The following FAM234A variants were observed in gnomAD, a reference collection of about 807,000 sequenced individuals.
FAM234A encodes the protein family with sequence similarity 234 member A.
FAM234A carries 42 observed loss-of-function variants against 49.1 expected under a neutral mutation model. That is an observed-to-expected ratio of 0.86 (90% CI 0.67 to 1.11). The LOEUF is 1.11. FAM234A is among the 50% of genes least tolerant of loss of function. The pLI, the probability that FAM234A is intolerant of heterozygous loss-of-function variation, is 0.00. For synonymous variants in FAM234A, 369 were observed against 316.2 expected (o/e 1.17, Z -1.77); for missense variants, 815 against 745.2 (o/e 1.09, Z -1.09).
At chr16:268,953 T>C (rs1451634727), downstream of FAM234A, 1 of 1,549,842 alleles carries the variant, frequency 6.5e-7, no homozygotes, top group Admixed American at 2.0e-5. Context: ...AGTGCTGGAC[T>C]GAAGACCAGA....
chr16:248,740 C>G (rs1048219833), intron 1 of FAM234A, among the ~76,000 whole-genome samples: 1 of 151,820 alleles, frequency 6.6e-6, no homozygotes, highest in Non-Finnish European at 1.5e-5. Flanking sequence ...CCTGCCTCAG[C>G]CTCCTGAGTA....
At chr16:236,048 G>A (rs2050389173) in intron 1 of FAM234A, among the ~76,000 whole-genome samples, 1 of 152,018 alleles carries the variant, frequency 6.6e-6, no homozygotes, top group Admixed American at 6.6e-5. Context: ...AGTTACTCGG[G>A]TTCAAGCGAT....
Position 265,882 on chromosome 16 carries a change from C to A in FAM234A, c.*860C>A. 2 of 986,150 alleles carry A rather than the reference C, an allele frequency of 2.0e-6. No homozygotes were observed. Among genetic ancestry groups the A allele is most frequent in the Non-Finnish European group, 2.4e-6 (2 of 830,296 alleles). The allele number at this position is 986,150 out of a possible 1,614,324, so 61.1% of individuals were successfully genotyped here. On this transcript the variant is annotated 3_prime_UTR_variant, in exon 13 of 13. Coordinates refer to ENST00000399932, the MANE Select transcript of FAM234A (RefSeq NM_032039.4). ...GTGCCCCAGGCATGGCAAGCGCCTG[C>A]CTCTCCCCTTCCGGTGCTCACACGC...
In FAM234A at chr16:264,913, G is replaced by A. The variant is rs755759461; in HGVS notation, c.1550G>A (p.Arg517Gln). The A allele has an allele frequency of 8.1e-6, 13 of 1,612,988 alleles. No homozygotes were observed. Among genetic ancestry groups the A allele is most frequent in the Middle Eastern group, 3.3e-4 (2 of 6,058 alleles). Residue 517 changes from arginine (R) to glutamine (Q), a missense_variant, in exon 13 of 13, where the codon CGG (arginine) becomes CAG (glutamine). Coordinates refer to ENST00000399932, the MANE Select transcript of FAM234A (RefSeq NM_032039.4). ...GLVSVIKHKV[R>Q]DLVPSSRVVR... ...GTCTCTGTGATCAAGCACAAGGTGC[G>A]GGACCTTGTCCCAAGCAGCAGGGTG...
chr16:238,738 C>T (rs1468334101), intron 1 of FAM234A, among the ~76,000 whole-genome samples: 3 of 136,144 alleles, frequency 2.2e-5, no homozygotes, highest in Admixed American at 1.6e-4. Flanking sequence ...TGCACTCCAG[C>T]CTGGGCGACA....
chr16:264,720 A>C lies in FAM234A; in HGVS notation c.1447+4A>C. The stretch of plus-strand genomic sequence containing the variant: ...ACCCACATTGTCGCCTTTGACGGTG[A>C]GTGTGGCCTCGGCCAGGGACCCGGG... On this transcript the variant is annotated splice_donor_region_variant and intron_variant, in intron 12 of 12. Coordinates refer to ENST00000399932, the MANE Select transcript of FAM234A (RefSeq NM_032039.4). 1 of 1,610,822 alleles carries C rather than the reference A, an allele frequency of 6.2e-7. No homozygotes were observed. Among genetic ancestry groups the C allele is most frequent in the Non-Finnish European group, 8.5e-7 (1 of 1,179,542 alleles).
Position 263,700 on chromosome 16 carries a change from A to C in FAM234A, c.1113A>C (p.Arg371Ser). 6.2e-7 allele frequency: 1 copy of C among 1,613,268 alleles called. No homozygotes were observed. Among genetic ancestry groups the C allele is most frequent in the South Asian group, 1.1e-5 (1 of 91,070 alleles). Residue 371 changes from arginine (R) to serine (S), a missense_variant and splice_region_variant, in exon 10 of 13, where the codon AGA becomes AGC. Physicochemically the swap from Arg to Ser is moderately radical, Grantham distance 110. Coordinates refer to ENST00000399932, the MANE Select transcript of FAM234A (RefSeq NM_032039.4). ...RWTPKAAHVLRKPIFGRYKPD... is the reference protein window; with the variant it reads ...RWTPKAAHVLSKPIFGRYKPD... The stretch of plus-strand genomic sequence containing the variant: ...GAGCGCTTCCTCCATATTGTTCCAG[A>C]AAACCCATCTTCGGCCGCTACAAAC...
chr16:256,595 A>C (rs1205091352), intron 3 of FAM234A, among the ~76,000 whole-genome samples: 2 of 151,768 alleles, frequency 1.3e-5, no homozygotes, highest in African/African-American at 4.8e-5. Flanking sequence ...TTTGAGATGG[A>C]GTTTTGCTCT....
At chr16:240,646 G>T (rs1019438577) in intron 1 of FAM234A, among the ~76,000 whole-genome samples, 1 of 152,050 alleles carries the variant, frequency 6.6e-6, no homozygotes, top group Non-Finnish European at 1.5e-5. Flanking sequence ...GGGACTACAG[G>T]CGCGTGCCAC....
intron 3 of FAM234A, among the ~76,000 whole-genome samples, chr16:255,615 T>C (rs181101946): frequency 6.6e-6 from 1 of 152,294 alleles, no homozygotes; most frequent in East Asian, 1.9e-4. Flanking sequence ...TCACTCCCTG[T>C]TCCCTCCTCT....
At chr16:251,777 G>A (rs1276640216) in intron 2 of FAM234A, among the ~76,000 whole-genome samples, 2 of 149,856 alleles carry the variant, frequency 1.3e-5, no homozygotes, top group Admixed American at 6.7e-5. Flanking sequence ...GCCAGTGCGG[G>A]TGGATCACGA....
chr16:240,769 T>A (rs1475156811), intron 1 of FAM234A, among the ~76,000 whole-genome samples: 1 of 152,134 alleles, frequency 6.6e-6, no homozygotes, highest in African/African-American at 2.4e-5. Flanking sequence ...CCTAAAGTGC[T>A]GAGATTACAG....
intron 8 of FAM234A, among the ~76,000 whole-genome samples, chr16:262,953 G>A (rs1461712575): frequency 1.3e-5 from 2 of 151,788 alleles, no homozygotes; most frequent in African/African-American, 4.8e-5. Context: ...CCGAGTAGCT[G>A]GGATTACAGG....
intron 1 of FAM234A, among the ~76,000 whole-genome samples, chr16:246,741 A>T (rs1416202000): frequency 3.9e-5 from 5 of 127,072 alleles, no homozygotes; most frequent in East Asian, 2.4e-4. Flanking sequence ...TTTTTTTTCG[A>T]TCGATTGGTG....
rs1277560675 is a variant in FAM234A at position 265,302 on chromosome 16, C to G, written c.*280C>G. ...CCAGGGTCCCGCTCACACCAGGCAG[C>G]CTTCATAGTGGTCTCCCTGGCCACC... On this transcript the variant is annotated 3_prime_UTR_variant, in exon 13 of 13. Transcript: ENST00000399932. 1 of 1,246,682 alleles carries G rather than the reference C, an allele frequency of 8.0e-7. No individual in the cohort carries two copies. Among genetic ancestry groups the G allele is most frequent in the Non-Finnish European group, 1.0e-6 (1 of 991,242 alleles). The allele number at this position is 1,246,682 out of a possible 1,614,324, so 77.2% of individuals were successfully genotyped here. A position where few individuals can be genotyped will look rare whatever the true frequency, so the allele number is the denominator to read the frequency against.
intron 1 of FAM234A, among the ~76,000 whole-genome samples, chr16:238,787 GAAAA>G (rs1384872718): frequency 2.6e-5 from 2 of 76,236 alleles, no homozygotes; most frequent in Admixed American, 1.4e-4. Flanking sequence ...AAAAAAAAAA[GAAAA>G]AAAAAATCCC....
At chr16:242,970 C>T (rs1420903323) in intron 1 of FAM234A, among the ~76,000 whole-genome samples, 1 of 151,144 alleles carries the variant, frequency 6.6e-6, no homozygotes, top group African/African-American at 2.4e-5. Context: ...TCTTTTCTTT[C>T]TGAGCCCTCA....
chr16:234,908 A>T (rs1319142287), intron 1 of FAM234A, 51 bp downstream of exon 1: 2 of 152,246 alleles, frequency 1.3e-5, no homozygotes, highest in Non-Finnish European at 2.9e-5. Context: ...GGGGCGCCGC[A>T]GGCCGCCCCT....
In FAM234A at chr16:238,590, T is replaced by C. The variant is rs191082156; in HGVS notation, c.-140+3733T>C. 3.8e-3 allele frequency among the ~76,000 whole-genome samples: 541 copies of C among 143,892 alleles called. 2 individuals are homozygous for C. Among genetic ancestry groups the C allele is most frequent in the African/African-American group, 0.012 (462 of 38,454 alleles). The allele number at this position is 143,892 out of a possible 152,430, so 94.4% of individuals were successfully genotyped here. On this transcript the variant is annotated intron_variant, in intron 1 of 12. Coordinates refer to ENST00000399932, the MANE Select transcript of FAM234A (RefSeq NM_032039.4). ...GACCATCCTGGCTAACACAGTGAAA[T>C]CCCGTCTCTACTAAAAATACAAAAA...
Sources: allele counts gnomAD v4.1 joint callset (sites outside exome capture counted in the v4.1 genomes callset), GRCh38; gene constraint gnomAD v4.1.1; transcripts MANE v1.5; gene names NCBI Gene and HGNC (gene_info 2026-07-23, HGNC 2026-07-21).